CNTNAP5: variants seen among roughly 807,000 people sequenced by gnomAD.
The protein encoded by CNTNAP5 is contactin associated protein family member 5.
Under a neutral mutation model 150.2 loss-of-function variants are expected in CNTNAP5, and 72 were observed. That is an observed-to-expected ratio of 0.48 (90% CI 0.40 to 0.58). CNTNAP5 has a LOEUF of 0.58. CNTNAP5 is among the 20% of genes least tolerant of loss of function. The pLI, the probability that CNTNAP5 is intolerant of heterozygous loss-of-function variation, is 0.00. For synonymous variants in CNTNAP5, 672 were observed against 619.8 expected (o/e 1.08, Z -1.25); for missense variants, 1,636 against 1,626.2 (o/e 1.01, Z -0.10).
intron 3 of CNTNAP5, among the ~76,000 whole-genome samples, chr2:124,383,849 A>T (rs1690864802): frequency 6.6e-6 from 1 of 152,224 alleles, no homozygotes; most frequent in Non-Finnish European, 1.5e-5. Flanking sequence ...CCTGCAGGAA[A>T]CAACCAATAT....
chr2:124,615,167 C>T (rs1117337), intron 12 of CNTNAP5, among the ~76,000 whole-genome samples: 140,809 of 152,210 alleles, frequency 0.93, 66,152 homozygotes, highest in East Asian at 1. Flanking sequence ...GGGGTGGCTG[C>T]GGCAATTTCT....
At chr2:124,446,107 A>G (rs780047236) in intron 5 of CNTNAP5, among the ~76,000 whole-genome samples, 12 of 152,110 alleles carry the variant, frequency 7.9e-5, no homozygotes, top group Non-Finnish European at 1.8e-4. Context: ...TCAAAGTAAA[A>G]AGGATGAGGC....
At position 124,118,778 on chromosome 2, in the gene CNTNAP5, T is replaced by C. The variant is rs570521239; in HGVS notation, c.82+93046T>C. On this transcript the variant is annotated intron_variant, in intron 1 of 23. Coordinates refer to ENST00000682447, the MANE Select transcript of CNTNAP5 (RefSeq NM_001367498.1). ...GAATTAACATGCGTATCTCATTTAGTCTTCGTAATAACCCACATGCTAAAA... is the reference window on the plus strand; with the variant it reads ...GAATTAACATGCGTATCTCATTTAGCCTTCGTAATAACCCACATGCTAAAA... Among the ~76,000 whole-genome samples the C allele has an allele frequency of 2.6e-5, 4 of 152,290 alleles. No homozygotes were observed. The East Asian group carries it at 7.7e-4, about 29-fold the overall frequency.
chr2:124,344,352 G>T (rs1030615660), intron 3 of CNTNAP5, among the ~76,000 whole-genome samples: 1 of 151,688 alleles, frequency 6.6e-6, no homozygotes, highest in Admixed American at 6.6e-5. Flanking sequence ...TTGTGAGCCT[G>T]TAAAATTTAA....
chr2:124,456,350 A>G (rs1693119273), intron 6 of CNTNAP5, among the ~76,000 whole-genome samples: 1 of 152,176 alleles, frequency 6.6e-6, no homozygotes, highest in South Asian at 2.1e-4. Context: ...ACTTAGGAAG[A>G]TACCTAATCA....
At chr2:124,187,814 A>G (rs1488928256) in intron 1 of CNTNAP5, among the ~76,000 whole-genome samples, 1 of 152,214 alleles carries the variant, frequency 6.6e-6, no homozygotes, top group East Asian at 1.9e-4. Flanking sequence ...GACTAAAACA[A>G]TTTTACCAGG....
chr2:124,099,220 C>T (rs1417984275), intron 1 of CNTNAP5, among the ~76,000 whole-genome samples: 2 of 152,202 alleles, frequency 1.3e-5, no homozygotes, highest in African/African-American at 4.8e-5. Flanking sequence ...ATGCTCTCTA[C>T]ACCTACGCAA....
intron 1 of CNTNAP5, among the ~76,000 whole-genome samples, chr2:124,188,674 A>G (rs1459790984): frequency 5.7e-5 from 8 of 140,404 alleles, no homozygotes; most frequent in Non-Finnish European, 9.1e-5. Flanking sequence ...AGCCGAGATC[A>G]CGCCACTGCA....
intron 13 of CNTNAP5, among the ~76,000 whole-genome samples, chr2:124,668,352 G>A (rs4848965): frequency 0.25 from 37,764 of 152,152 alleles, 4,935 homozygotes; most frequent in African/African-American, 0.33. Context: ...AGCAGCTAAC[G>A]GAAAGGTTTG....
chr2:124,760,154 G>T (rs1680928085), intron 14 of CNTNAP5, among the ~76,000 whole-genome samples: 1 of 151,760 alleles, frequency 6.6e-6, no homozygotes, highest in Admixed American at 6.6e-5. Context: ...CTCAGGAGAA[G>T]GGGGTGTGGG....
In CNTNAP5 at chr2:124,747,296, T is replaced by C. The variant is rs1430428695; in HGVS notation, c.2145T>C (p.Pro715=). ...NERHPYWGGS[P]PGVQQCECGL... Reference sequence around the variant, plus strand: ...GGCACCCTTACTGGGGAGGTTCCCCTCCTGGGGTCCAGCAGTGTGAGTGTG... The same window carrying C: ...GGCACCCTTACTGGGGAGGTTCCCCCCCTGGGGTCCAGCAGTGTGAGTGTG... Residue 715 remains proline (P), a synonymous_variant, in exon 14 of 24, where the codon CCT becomes CCC. Transcript: ENST00000682447. 1.2e-6 allele frequency: 2 copies of C among 1,613,694 alleles called. No individual in the cohort carries two copies. The highest frequency in any genetic ancestry group is 1.7e-6 in the Non-Finnish European group (2 of 1,179,782).
rs370257692 is a variant in CNTNAP5 at position 124,090,247 on chromosome 2, G to A, written c.82+64515G>A. Among the ~76,000 whole-genome samples the A allele has an allele frequency of 7.9e-5, 12 of 151,838 alleles. 1 individual carries two copies. Among genetic ancestry groups the A allele is most frequent in the Admixed American group, 3.9e-4 (6 of 15,222 alleles). On this transcript the variant is annotated intron_variant, in intron 1 of 23. Transcript: ENST00000682447. The stretch of plus-strand genomic sequence containing the variant: ...AAAATTACACAAATTAATCAGTTTC[G>A]GCATGTTCTATTTTTTCTGACCTTT...
chr2:124,104,610 C>T (rs188430342), intron 1 of CNTNAP5, among the ~76,000 whole-genome samples: 3 of 152,244 alleles, frequency 2.0e-5, no homozygotes, highest in East Asian at 3.9e-4. Flanking sequence ...AGTCCTATAT[C>T]GTATAGTGTT....
Position 124,357,281 on chromosome 2 carries a change from A to C in CNTNAP5, c.382-60162A>C, listed in dbSNP as rs575957690. Among the ~76,000 whole-genome samples the C allele has an allele frequency of 2.8e-4, 42 of 151,992 alleles. No individual in the cohort carries two copies. The South Asian group carries it at 5.0e-3, about 18-fold the overall frequency. On this transcript the variant is annotated intron_variant, in intron 3 of 23. Coordinates refer to ENST00000682447, the MANE Select transcript of CNTNAP5 (RefSeq NM_001367498.1). ...TGCCTGTTCACTCTGATGGTAGTTTATTTTGCTGTGCAGAAGCTCTTTACT... is the reference window on the plus strand; with the variant it reads ...TGCCTGTTCACTCTGATGGTAGTTTCTTTTGCTGTGCAGAAGCTCTTTACT...
At position 124,914,339 on chromosome 2, in the gene CNTNAP5, T is replaced by G; in HGVS notation, c.*51T>G. The G allele has an allele frequency of 7.9e-7, 1 of 1,271,456 alleles. No homozygotes were observed. Among genetic ancestry groups the G allele is most frequent in the Non-Finnish European group, 1.1e-6 (1 of 889,390 alleles). The allele number at this position is 1,271,456 out of a possible 1,614,324, so 78.8% of individuals were successfully genotyped here. A position where few individuals can be genotyped will look rare whatever the true frequency, so the allele number is the denominator to read the frequency against. Reference sequence around the variant, plus strand: ...TTTTTCTTGTTGTTCAATTATCTCCTCCCCCTCTTCTCTCCTGTCTTTTGA... The same window carrying G: ...TTTTTCTTGTTGTTCAATTATCTCCGCCCCCTCTTCTCTCCTGTCTTTTGA... On this transcript the variant is annotated 3_prime_UTR_variant, in exon 24 of 24. Transcript: ENST00000682447.
chr2:124,746,965 A>G (rs1040228481), intron 13 of CNTNAP5, among the ~76,000 whole-genome samples: 6 of 150,910 alleles, frequency 4.0e-5, no homozygotes. Context: ...TAGATGTAGA[A>G]ATACAAATTT....
chr2:124,025,545 G>A lies in CNTNAP5; in HGVS notation c.-106G>A. On this transcript the variant is annotated 5_prime_UTR_variant, in exon 1 of 24. In the 5' UTR this introduces an upstream ATG that the reference lacks. Coordinates refer to ENST00000682447, the MANE Select transcript of CNTNAP5 (RefSeq NM_001367498.1). ...AGAGCGAGTGCCTCTCCAAGCGGGG[G>A]TGGGAGGGGGTCAGGCTGTGCAGAG... 1.1e-6 allele frequency: 1 copy of A among 922,356 alleles called. No homozygotes were observed. The highest frequency in any genetic ancestry group is 1.4e-5 in the South Asian group (1 of 73,396). 57.1% of individuals were successfully genotyped at this position (922,356 alleles called of 1,614,324 possible).
rs1558965882 is a variant in CNTNAP5, at chr2:124,588,107, C to CCTCCT, written c.1757-21694_1757-21693insCTCCT. On this transcript the variant is annotated intron_variant, in intron 11 of 23. Coordinates refer to ENST00000682447, the MANE Select transcript of CNTNAP5 (RefSeq NM_001367498.1). ...CTTTCTTTCTTTCTTTTCTTCCTTC[C>CCTCCT]TTCCCTCCTTTTCCTTCCTTCCTTT... Among the ~76,000 whole-genome samples, 94 of 148,258 alleles carry CCTCCT rather than the reference C, an allele frequency of 6.3e-4. 3 individuals carry two copies. The highest frequency in any genetic ancestry group is 2.3e-3 in the African/African-American group (93 of 39,786).
Position 124,453,621 on chromosome 2 carries a change from A to G in CNTNAP5, c.918+6684A>G, listed in dbSNP as rs72843147. Among the ~76,000 whole-genome samples, 1,063 of 152,302 alleles carry G rather than the reference A, an allele frequency of 7.0e-3. 12 individuals are homozygous for G. Among genetic ancestry groups the G allele is most frequent in the Non-Finnish European group, 0.013 (877 of 68,024 alleles). On this transcript the variant is annotated intron_variant, in intron 6 of 23. Coordinates refer to ENST00000682447, the MANE Select transcript of CNTNAP5 (RefSeq NM_001367498.1). ...TTAAGATGAAGGAAAGAATCTTAAG[A>G]GCCATGAGGCAAAAACACCAGGTAA...
Sources: gnomAD v4.1 joint callset for allele counts (sites outside exome capture counted in the v4.1 genomes callset) on GRCh38, gnomAD v4.1.1 for gene constraint, MANE v1.5 for transcripts, NCBI Gene and HGNC (gene_info 2026-07-23, HGNC 2026-07-21) for gene names.